The following MYOCOS variants were observed in gnomAD, a reference collection of about 807,000 sequenced individuals.
MYOCOS encodes myocilin opposite strand.
At chr1:171,608,717 G>A (rs1017214391) in intron 1 of MYOCOS, among the ~76,000 whole-genome samples, 4 of 152,170 alleles carry the variant, frequency 2.6e-5, no homozygotes, top group Admixed American at 2.0e-4. Flanking sequence ...CACCACGCCC[G>A]GCTAGGGAAC....
chr1:171,624,020 C>T (rs570562460), intron 2 of MYOCOS, 42 bp downstream of exon 2: 7 of 398,488 alleles, frequency 1.8e-5, no homozygotes, highest in Middle Eastern at 6.3e-4. Context: ...GGGGTTGGGA[C>T]GGAGCATAAC....
At chr1:171,608,480 C>T (rs569661817) in intron 1 of MYOCOS, among the ~76,000 whole-genome samples, 9 of 128,650 alleles carry the variant, frequency 7.0e-5, no homozygotes, top group African/African-American at 2.5e-4. Context: ...TGCAGTGGCG[C>T]GATCTCGGCT....
chr1:171,608,260 A>G (rs899851938), intron 1 of MYOCOS, among the ~76,000 whole-genome samples: 4 of 152,176 alleles, frequency 2.6e-5, no homozygotes, highest in Non-Finnish European at 5.9e-5. Flanking sequence ...CTTGAGATCA[A>G]ACCATAGTGG....
upstream of MYOCOS, among the ~76,000 whole-genome samples, chr1:171,619,559 T>G (rs1652515535): frequency 6.6e-6 from 1 of 152,066 alleles, no homozygotes; most frequent in African/African-American, 2.4e-5. Context: ...ATTATTTAAA[T>G]AAATCAAGGC....
chr1:171,604,760 G>A (rs988757000), intron 1 of MYOCOS, among the ~76,000 whole-genome samples: 1 of 152,162 alleles, frequency 6.6e-6, no homozygotes, highest in African/African-American at 2.4e-5. Context: ...TCATATTTAT[G>A]TAAGATGTGT....
intron 1 of MYOCOS, among the ~76,000 whole-genome samples, chr1:171,613,280 G>T (rs1343400113): frequency 6.6e-6 from 1 of 152,164 alleles, no homozygotes; most frequent in Non-Finnish European, 1.5e-5. Flanking sequence ...GGTGACCCTA[G>T]ATATTCATCT....
intron 1 of MYOCOS, among the ~76,000 whole-genome samples, chr1:171,603,301 G>A (rs1572200646): frequency 6.6e-6 from 1 of 152,210 alleles, no homozygotes; most frequent in African/African-American, 2.4e-5. Flanking sequence ...GTATTCTGGT[G>A]GACCTTTACT....
intron 1 of MYOCOS, among the ~76,000 whole-genome samples, chr1:171,602,986 G>C (rs1405645387): frequency 6.6e-6 from 1 of 152,164 alleles, no homozygotes; most frequent in Non-Finnish European, 1.5e-5. Flanking sequence ...CAGAGGCCCC[G>C]ATTGTCCCCC....
At chr1:171,603,071 A>G (rs1558078042) in intron 1 of MYOCOS, among the ~76,000 whole-genome samples, 1 of 152,154 alleles carries the variant, frequency 6.6e-6, no homozygotes, top group Non-Finnish European at 1.5e-5. Context: ...TACAGCCTAG[A>G]GTAATAAGTC....
upstream of MYOCOS, among the ~76,000 whole-genome samples, chr1:171,620,982 A>C (rs534243423): frequency 7.2e-5 from 11 of 151,848 alleles, no homozygotes; most frequent in South Asian, 4.2e-4. Flanking sequence ...GTTGGCCAGG[A>C]TGGTCTCGAT....
At chr1:171,625,482 A>G (rs1266231102) in intron 2 of MYOCOS, among the ~76,000 whole-genome samples, 1 of 152,216 alleles carries the variant, frequency 6.6e-6, no homozygotes, top group African/African-American at 2.4e-5. Context: ...GAGATTCTAC[A>G]TGTGGTTAGT....
chr1:171,605,689 A>G (rs1652231642), intron 1 of MYOCOS, among the ~76,000 whole-genome samples: 1 of 152,124 alleles, frequency 6.6e-6, no homozygotes, highest in South Asian at 2.1e-4. Flanking sequence ...GCATAGCCAT[A>G]AGTAATTGAA....
At chr1:171,618,473 T>G (rs888259437), upstream of MYOCOS, among the ~76,000 whole-genome samples, 2 of 152,372 alleles carry the variant, frequency 1.3e-5, no homozygotes, top group South Asian at 4.1e-4. Flanking sequence ...AGTTCCTACA[T>G]GTGCCTTTGG....
intron 2 of MYOCOS, 40 bp downstream of exon 2, chr1:171,624,018 G>C: frequency 2.5e-6 from 1 of 398,598 alleles, no homozygotes; most frequent in Non-Finnish European, 4.4e-6. Context: ...GTGGGGTTGG[G>C]ACGGAGCATA....
upstream of MYOCOS, among the ~76,000 whole-genome samples, chr1:171,621,621 C>T (rs1652577844): frequency 6.6e-6 from 1 of 152,086 alleles, no homozygotes; most frequent in South Asian, 2.1e-4. Context: ...GTGATCCGCC[C>T]GCCTCGGCCT....
chr1:171,601,138 G>A (rs1558077658), intron 1 of MYOCOS: 2 of 152,298 alleles, frequency 1.3e-5, no homozygotes, highest in Non-Finnish European at 2.9e-5. Context: ...GGCCCCTGCG[G>A]AGGATTAACA....
At chr1:171,612,042 G>T (rs976610593) in intron 1 of MYOCOS, among the ~76,000 whole-genome samples, 9 of 152,114 alleles carry the variant, frequency 5.9e-5, no homozygotes, top group Admixed American at 2.0e-4. Context: ...TATGAGAACT[G>T]CTGGCCCTGT....
At chr1:171,612,103 G>A (rs561486118) in intron 1 of MYOCOS, among the ~76,000 whole-genome samples, 42 of 151,218 alleles carry the variant, frequency 2.8e-4, no homozygotes, top group Admixed American at 1.4e-3. Context: ...ATGGAGTCTC[G>A]TTCTATAGCC....
chr1:171,620,546 T>C (rs983400386), upstream of MYOCOS, among the ~76,000 whole-genome samples: 22 of 152,312 alleles, frequency 1.4e-4, no homozygotes, highest in Admixed American at 4.6e-4. Flanking sequence ...TGTCATCTAT[T>C]GTCTCTAAGG....
Sources: gnomAD v4.1 joint callset for allele counts (sites outside exome capture counted in the v4.1 genomes callset) on GRCh38, gnomAD v4.1.1 for gene constraint, MANE v1.5 for transcripts, NCBI Gene and HGNC (gene_info 2026-07-23, HGNC 2026-07-21) for gene names.